Variants in PRKG1 observed in about 807,000 individuals in gnomAD.
PRKG1 encodes cGMP-dependent protein kinase 1.
A neutral mutation model predicts 88.1 loss-of-function variants in PRKG1; 35 were observed. That is an observed-to-expected ratio of 0.40 (90% CI 0.30 to 0.53). The LOEUF (loss-of-function observed/expected upper bound fraction) is 0.53, where lower values mean the gene tolerates loss of function less well. Ranked by LOEUF, PRKG1 falls within the 20% of genes least tolerant of loss-of-function variation. The probability of loss-of-function intolerance (pLI) is 0.59; values close to 1 mark genes in which losing one functional copy is unlikely to be tolerated. For missense variants in PRKG1, 540 were observed against 839.8 expected, an observed-to-expected ratio of 0.64 and a Z score of 4.41; for synonymous variants, 303 against 292.5, an observed-to-expected ratio of 1.04 and a Z score of -0.37.
intron 3 of PRKG1, among the ~76,000 whole-genome samples, chr10:51,714,580 G>A (rs1449666086): frequency 1.3e-5 from 2 of 152,196 alleles, no homozygotes; most frequent in African/African-American, 4.8e-5. Context: ...ACCTAAAGAG[G>A]AAGATGGAGG....
intron 5 of PRKG1, among the ~76,000 whole-genome samples, chr10:51,952,831 A>G (rs1843216879): frequency 6.6e-6 from 1 of 152,158 alleles, no homozygotes; most frequent in African/African-American, 2.4e-5. Context: ...ATGTATCTCA[A>G]AGTCATTTCT....
intron 5 of PRKG1, among the ~76,000 whole-genome samples, chr10:52,053,471 G>A (rs906100182): frequency 2.0e-5 from 3 of 152,078 alleles, no homozygotes; most frequent in Admixed American, 6.6e-5. Context: ...TGTAAACCAC[G>A]AATTCTGTTT....
intron 6 of PRKG1, among the ~76,000 whole-genome samples, chr10:52,057,743 A>G (rs557934150): frequency 6.6e-6 from 1 of 152,292 alleles, no homozygotes; most frequent in East Asian, 1.9e-4. Flanking sequence ...GTTAACAAGT[A>G]TTTAAACATG....
intron 1 of PRKG1, among the ~76,000 whole-genome samples, chr10:51,130,684 C>T (rs529359714): frequency 6.6e-6 from 1 of 152,044 alleles, no homozygotes; most frequent in South Asian, 2.1e-4. Flanking sequence ...AGGTGGATCA[C>T]GAGGTCAGGA....
At chr10:52,276,900 G>A (rs1465558358) in intron 12 of PRKG1, among the ~76,000 whole-genome samples, 1 of 152,194 alleles carries the variant, frequency 6.6e-6, no homozygotes, top group Non-Finnish European at 1.5e-5. Context: ...TGATGGGACA[G>A]TGTGGTGCTG....
chr10:52,011,765 T>C (rs1410431381), intron 5 of PRKG1, among the ~76,000 whole-genome samples: 1 of 152,202 alleles, frequency 6.6e-6, no homozygotes, highest in Non-Finnish European at 1.5e-5. Context: ...CCAAATTGCA[T>C]TTTGTCACTC....
chr10:51,391,560 C>T (rs572832092), intron 2 of PRKG1, among the ~76,000 whole-genome samples: 1 of 152,172 alleles, frequency 6.6e-6, no homozygotes, highest in Non-Finnish European at 1.5e-5. Context: ...CACTAAAGTA[C>T]ATTATCATTT....
intron 3 of PRKG1, among the ~76,000 whole-genome samples, chr10:51,549,443 T>C (rs1160484088): frequency 6.6e-6 from 1 of 152,002 alleles, no homozygotes; most frequent in African/African-American, 2.4e-5. Flanking sequence ...ATTCACTCAA[T>C]GTGTCTACAA....
chr10:51,048,109 C>T (rs766152827), intron 1 of PRKG1, among the ~76,000 whole-genome samples: 55 of 152,122 alleles, frequency 3.6e-4, no homozygotes, highest in Non-Finnish European at 7.4e-4. Context: ...TATTCTTTGT[C>T]GATTCTTGCA....
At position 51,531,637 on chromosome 10, in the gene PRKG1, C is replaced by CTTTTTTTT. The variant is rs34091409; in HGVS notation, c.592+63820_592+63827dup. On this transcript the variant is annotated intron_variant, in intron 3 of 17. Coordinates refer to ENST00000373980, the MANE Select transcript of PRKG1 (RefSeq NM_006258.4). ...ATTGTTTCGGACTACAAAAAGAATT[C>CTTTTTTTT]TTTTTTTTTTTTTTTTTTTTTTTTT... Among the ~76,000 whole-genome samples the CTTTTTTTT allele has an allele frequency of 5.9e-5, 4 of 67,852 alleles. 1 individual carries two copies. The highest frequency in any genetic ancestry group is 1.0e-3 in the East Asian group (2 of 2,008). The allele number at this position is 67,852 out of a possible 152,430, so 44.5% of individuals were successfully genotyped here.
At chr10:51,813,530 T>C (rs1839509279) in intron 4 of PRKG1, among the ~76,000 whole-genome samples, 1 of 152,144 alleles carries the variant, frequency 6.6e-6, no homozygotes, top group African/African-American at 2.4e-5. Context: ...TCAACAAAAA[T>C]TCGTAAAGTA....
intron 4 of PRKG1, among the ~76,000 whole-genome samples, chr10:51,832,114 A>T (rs1443416672): frequency 6.6e-6 from 1 of 152,198 alleles, no homozygotes; most frequent in Non-Finnish European, 1.5e-5. Context: ...TCTTTTTAAA[A>T]AAACTTACAT....
At chr10:52,274,460 CT>C (rs1841816950) in intron 12 of PRKG1, among the ~76,000 whole-genome samples, 1 of 151,140 alleles carries the variant, frequency 6.6e-6, no homozygotes, top group Non-Finnish European at 1.5e-5. Flanking sequence ...TAATTCATTC[CT>C]TTTTATGGCT....
At chr10:51,819,359 A>G (rs1398385142) in intron 4 of PRKG1, among the ~76,000 whole-genome samples, 1 of 152,160 alleles carries the variant, frequency 6.6e-6, no homozygotes, top group African/African-American at 2.4e-5. Flanking sequence ...ATTCACTCCC[A>G]TAACCCAAAT....
In PRKG1 at chr10:51,792,652, C is replaced by T. The variant is rs116913971; in HGVS notation, c.593-11933C>T. ...ACTTATTAGCACCTATTTTTTGGTGCCTATGGGTGTCCGCCAAAATGGAAA... is the reference window on the plus strand; with the variant it reads ...ACTTATTAGCACCTATTTTTTGGTGTCTATGGGTGTCCGCCAAAATGGAAA... On this transcript the variant is annotated intron_variant, in intron 3 of 17. Transcript: ENST00000373980. 2.4e-4 allele frequency among the ~76,000 whole-genome samples: 36 copies of T among 152,120 alleles called. No homozygotes were observed. The East Asian group carries it at 7.0e-3, about 29-fold the overall frequency.
intron 3 of PRKG1, among the ~76,000 whole-genome samples, chr10:51,508,385 C>G (rs1841289957): frequency 6.6e-6 from 1 of 152,154 alleles, no homozygotes; most frequent in South Asian, 2.1e-4. Context: ...GTTACTTAAG[C>G]TGGAAAGAAC....
intron 4 of PRKG1, among the ~76,000 whole-genome samples, chr10:51,874,460 AT>A (rs1257852750): frequency 3.9e-5 from 6 of 152,206 alleles, no homozygotes; most frequent in African/African-American, 1.4e-4. Context: ...TATTTTCACC[AT>A]TTTTTTGTAA....
At chr10:51,014,891 TAAAC>T (rs1366440346) in intron 1 of PRKG1, among the ~76,000 whole-genome samples, 1 of 152,196 alleles carries the variant, frequency 6.6e-6, no homozygotes, top group East Asian at 1.9e-4. Context: ...TGGCTAAAAA[TAAAC>T]AAAGACTTGG....
chr10:52,032,646 A>AT (rs2133212158), intron 5 of PRKG1, among the ~76,000 whole-genome samples: 1 of 152,272 alleles, frequency 6.6e-6, no homozygotes, highest in Admixed American at 6.5e-5. Flanking sequence ...TATTTTTTTA[A>AT]TTCCCCCTTT....
Sources: gnomAD v4.1 joint callset for allele counts (sites outside exome capture counted in the v4.1 genomes callset) on GRCh38, gnomAD v4.1.1 for gene constraint, MANE v1.5 for transcripts, NCBI Gene and HGNC (gene_info 2026-07-23, HGNC 2026-07-21) for gene names.